Variants in HEATR5A observed in about 807,000 individuals in gnomAD.
HEATR5A encodes the protein HEAT repeat containing 5A, also known as HEAT repeat-containing protein 5A.
A neutral mutation model predicts 218.8 loss-of-function variants in HEATR5A; 178 were observed. The ratio of observed to expected loss-of-function variants is 0.81; its 90% CI spans 0.72 to 0.92. The LOEUF (loss-of-function observed/expected upper bound fraction) is 0.92. Ranked by LOEUF, HEATR5A falls within the 40% of genes least tolerant of loss-of-function variation. The pLI, the probability that HEATR5A is intolerant of heterozygous loss-of-function variation, is 0.00. For missense variants in HEATR5A, 2,420 were observed against 2,418.9 expected (o/e 1.00, Z -0.01); for synonymous variants, 864 against 871.6 (o/e 0.99, Z 0.15).
At chr14:31,355,820 A>T (rs777417416) in intron 16 of HEATR5A, among the ~76,000 whole-genome samples, 2 of 152,234 alleles carry the variant, frequency 1.3e-5, no homozygotes, top group Non-Finnish European at 2.9e-5. Flanking sequence ...TTAGAACCCT[A>T]CAGTCAGAAT....
At position 31,386,411 on chromosome 14, in the gene HEATR5A, C is replaced by CA; in HGVS notation, c.1345+8dup. 1 of 1,610,358 alleles carries CA rather than the reference C, an allele frequency of 6.2e-7. No homozygotes were observed. The highest frequency in any genetic ancestry group is 1.1e-5 in the South Asian group (1 of 90,820). ...ACAAGGTATTCCAATGAGTCACAAA[C>CA]AGATATACCTGTACTTGAATCCTGT... On this transcript the variant is annotated intron_variant, in intron 9 of 35. Coordinates refer to ENST00000543095, the MANE Select transcript of HEATR5A (RefSeq NM_015473.4).
chr14:31,362,849 T>C (rs1327453078), intron 14 of HEATR5A, among the ~76,000 whole-genome samples: 1 of 151,990 alleles, frequency 6.6e-6, no homozygotes, highest in Non-Finnish European at 1.5e-5. Context: ...TCGAGATTCT[T>C]GTATTCCTAA....
In HEATR5A at chr14:31,293,538, T is replaced by G; in HGVS notation, c.5908A>C (p.Thr1970Pro). The G allele has an allele frequency of 6.2e-7, 1 of 1,613,838 alleles. No individual in the cohort carries two copies. Among genetic ancestry groups the G allele is most frequent in the Non-Finnish European group, 8.5e-7 (1 of 1,179,814 alleles). ...LLDENSLGSATSIMRNLHDFA... is the reference protein window; with the variant it reads ...LLDENSLGSAPSIMRNLHDFA... ...TCATGTAAATTTCTCATTATGGAAGTTGCTGATCCCAGAGAATTTTCATCC... is the reference window on the plus strand; with the variant it reads ...TCATGTAAATTTCTCATTATGGAAGGTGCTGATCCCAGAGAATTTTCATCC... The change falls in exon 36 of 36, where the codon ACT becomes CCT. Residue 1970 changes from threonine (T) to proline (P), a missense_variant. Thr to Pro is a conservative substitution (Grantham distance 38). Transcript: ENST00000543095.
intron 1 of HEATR5A, among the ~76,000 whole-genome samples, chr14:31,419,260 A>T (rs2031559766): frequency 1.3e-5 from 2 of 152,198 alleles, no homozygotes; most frequent in Non-Finnish European, 2.9e-5. Context: ...TATATTATAA[A>T]TCCTGCCTGC....
intron 21 of HEATR5A, among the ~76,000 whole-genome samples, chr14:31,338,192 T>C (rs1207959701): frequency 6.6e-6 from 1 of 152,194 alleles, no homozygotes; most frequent in Non-Finnish European, 1.5e-5. Context: ...AGGGCTATTG[T>C]GACATTAACA....
At chr14:31,358,025 G>A (rs1010238140) in intron 16 of HEATR5A, among the ~76,000 whole-genome samples, 75 of 152,136 alleles carry the variant, frequency 4.9e-4, no homozygotes, top group African/African-American at 1.5e-3. Flanking sequence ...TCTCACAGGA[G>A]TGTGAACCCT....
At position 31,387,145 on chromosome 14, in the gene HEATR5A, G is replaced by A. The variant is rs769448597; in HGVS notation, c.1164C>T (p.Ala388=). ...CCATAACTTTCTTTAGCTTCCAGAT[G>A]GCCTGGCAAATATCCTTTACAGCAG... The part of the protein sequence containing the change: ...QLAAVKDICQ[A]IWKLKKVMDA... The change falls in exon 8 of 36, where the codon GCC becomes GCT. Residue 388 remains alanine, a synonymous_variant. Transcript: ENST00000543095. 8 of 1,613,832 alleles carry A rather than the reference G, an allele frequency of 5.0e-6. No individual in the cohort carries two copies. In the East Asian group the frequency reaches 1.8e-4, roughly 36 times the overall value.
At chr14:31,315,458 A>G (rs1241139401) in intron 27 of HEATR5A, among the ~76,000 whole-genome samples, 1 of 152,228 alleles carries the variant, frequency 6.6e-6, no homozygotes, top group African/African-American at 2.4e-5. Context: ...TACAGAGTTG[A>G]TAGAAGATAC....
At chr14:31,379,525 C>A (rs1184156204) in intron 11 of HEATR5A, among the ~76,000 whole-genome samples, 2 of 152,126 alleles carry the variant, frequency 1.3e-5, no homozygotes, top group African/African-American at 4.8e-5. Context: ...GCGGGGATTA[C>A]AAGCGTGAGC....
chr14:31,295,877 TTACA>T (rs750929449), intron 34 of HEATR5A, 28 bp downstream of exon 34: 1 of 1,598,290 alleles, frequency 6.3e-7, no homozygotes, highest in Non-Finnish European at 8.6e-7. Flanking sequence ...CATTGTCCTA[TTACA>T]TACATCTTTC....
chr14:31,308,147 A>T lies in HEATR5A; in HGVS notation c.4691-127T>A, dbSNP rs1899615060. ...AAAAAGGTAATACAAATAAATCACAATGAATTTAAGACTAAACAATTAAAT... is the reference window on the plus strand; with the variant it reads ...AAAAAGGTAATACAAATAAATCACATTGAATTTAAGACTAAACAATTAAAT... On this transcript the variant is annotated intron_variant, in intron 29 of 35. Coordinates refer to ENST00000543095, the MANE Select transcript of HEATR5A (RefSeq NM_015473.4). The T allele has an allele frequency of 8.1e-6, 7 of 866,014 alleles. No homozygotes were observed. In the South Asian group the frequency reaches 1.3e-4, roughly 17 times the overall value. The allele number at this position is 866,014 out of a possible 1,614,324, so 53.6% of individuals were successfully genotyped here.
chr14:31,394,227 C>T lies in HEATR5A; in HGVS notation c.598-1G>A. 1 of 1,463,266 alleles carries T rather than the reference C, an allele frequency of 6.8e-7. No homozygotes were observed. Among genetic ancestry groups the T allele is most frequent in the Non-Finnish European group, 9.0e-7 (1 of 1,111,214 alleles). 90.6% of individuals were successfully genotyped at this position (1,463,266 alleles called of 1,614,324 possible). On this transcript the variant is annotated splice_acceptor_variant, in intron 5 of 35. Transcript: ENST00000543095. LOFTEE classifies it high-confidence loss of function. ...CTTCATTCTGAAGTTCAAGGAGACA[C>T]TATTCAATTGGACAAAGAGAAATTA...
At chr14:31,361,171 G>C (rs117836227) in intron 14 of HEATR5A, among the ~76,000 whole-genome samples, 1 of 152,078 alleles carries the variant, frequency 6.6e-6, no homozygotes, top group Non-Finnish European at 1.5e-5. Flanking sequence ...TTTAACCACC[G>C]TGCTGAATCA....
chr14:31,359,278 AAGTGTAAG>A (rs201107015), intron 14 of HEATR5A, among the ~76,000 whole-genome samples: 7,283 of 84,776 alleles, frequency 0.086, 182 homozygotes, highest in South Asian at 0.13. Flanking sequence ...GAACATCTCA[AAGTGTAAG>A]AGTGTGTGTG....
At chr14:31,413,638 T>G (rs1347080171) in intron 1 of HEATR5A, among the ~76,000 whole-genome samples, 1 of 152,136 alleles carries the variant, frequency 6.6e-6, no homozygotes, top group East Asian at 1.9e-4. Flanking sequence ...AAAATGATTA[T>G]TTTTTGAGGA....
Position 31,337,560 on chromosome 14 carries a change from G to T in HEATR5A, c.3283C>A (p.Arg1095Ser), listed in dbSNP as rs552534273. 9 of 1,590,504 alleles carry T rather than the reference G, an allele frequency of 5.7e-6. No individual in the cohort carries two copies. Among genetic ancestry groups the T allele is most frequent in the Middle Eastern group, 1.7e-4 (1 of 6,036 alleles). ...LLRRAVLACLRQLVQREAAEV... is the reference protein window; with the variant it reads ...LLRRAVLACLSQLVQREAAEV... ...GCTGCTTCTCTTTGTACAAGCTGAC[G>T]TAAGCAAGCCAGTACTGCTCTTCTC... The change falls in exon 22 of 36, where the codon CGT (arginine) becomes AGT (serine). Residue 1095 changes from arginine to serine, a missense_variant. Physicochemically the swap from Arg to Ser is moderately radical, Grantham distance 110. Coordinates refer to ENST00000543095, the MANE Select transcript of HEATR5A (RefSeq NM_015473.4).
Position 31,397,049 on chromosome 14 carries a change from C to A in HEATR5A, c.447+1624G>T, listed in dbSNP as rs111415855. Among the ~76,000 whole-genome samples, 1,487 of 152,246 alleles carry A rather than the reference C, an allele frequency of 9.8e-3. 24 individuals carry two copies. The highest frequency in any genetic ancestry group is 0.034 in the African/African-American group (1,407 of 41,556). ...TTAAAAAAAATCTGTTCTCCTTAAT[C>A]ATTTTCTTCAATCTTTTAGGAAACT... On this transcript the variant is annotated intron_variant, in intron 4 of 35. Transcript: ENST00000543095.
chr14:31,351,232 A>G (rs1325707033), intron 16 of HEATR5A, among the ~76,000 whole-genome samples: 1 of 152,256 alleles, frequency 6.6e-6, no homozygotes, highest in Non-Finnish European at 1.5e-5. Flanking sequence ...CAAATATTAT[A>G]TGTAACACAT....
Position 31,294,914 on chromosome 14 carries a change from C to T in HEATR5A, c.5620-810G>A, listed in dbSNP as rs114073499. On this transcript the variant is annotated intron_variant, in intron 34 of 35. Coordinates refer to ENST00000543095, the MANE Select transcript of HEATR5A (RefSeq NM_015473.4). ...AATGTGTCATCAGGCATCAGAGTCC[C>T]GACTTGGAGACTGCTATACAAAGCT... 8.7e-3 allele frequency among the ~76,000 whole-genome samples: 1,331 copies of T among 152,166 alleles called. 14 individuals carry two copies. Among genetic ancestry groups the T allele is most frequent in the African/African-American group, 0.03 (1,256 of 41,500 alleles).
Sources: gnomAD v4.1 joint callset for allele counts (sites outside exome capture counted in the v4.1 genomes callset) on GRCh38, gnomAD v4.1.1 for gene constraint, MANE v1.5 for transcripts, NCBI Gene and HGNC (gene_info 2026-07-23, HGNC 2026-07-21) for gene names.